MESD: variants seen among roughly 807,000 people sequenced by gnomAD.
MESD encodes the protein LRP chaperone MESD.
MESD carries 7 observed loss-of-function variants against 12.9 expected under a neutral mutation model. That is an observed-to-expected ratio of 0.54 (90% CI 0.31 to 1.02). The LOEUF is 1.02. MESD is among the 50% of genes least tolerant of loss of function. The probability of loss-of-function intolerance (pLI) is 0.05; values close to 1 mark genes in which losing one functional copy is unlikely to be tolerated. For missense variants in MESD, 342 were observed against 296.7 expected, an observed-to-expected ratio of 1.15 and a Z score of -1.12; for synonymous variants, 126 against 115.6, an observed-to-expected ratio of 1.09 and a Z score of -0.58.
At chr15:80,954,412 T>C (rs990007240) in intron 3 of MESD, among the ~76,000 whole-genome samples, 3 of 152,162 alleles carry the variant, frequency 2.0e-5, no homozygotes, top group African/African-American at 7.2e-5. Flanking sequence ...CCTGAGCCCT[T>C]TGACCCCATC....
chr15:80,976,113 C>T lies in MESD; in HGVS notation c.*3106G>A, dbSNP rs753124818. 82 of 152,564 alleles carry T rather than the reference C, an allele frequency of 5.4e-4. No individual in the cohort carries two copies. Among genetic ancestry groups the T allele is most frequent in the Admixed American group, 1.0e-3 (16 of 15,302 alleles). 9.5% of individuals were successfully genotyped at this position (152,564 alleles called of 1,614,324 possible). On this transcript the variant is annotated 3_prime_UTR_variant, in exon 3 of 3. Coordinates refer to ENST00000261758, the MANE Select transcript of MESD (RefSeq NM_015154.3). ...TCCCGGGTTCAAGCCATTCTCCTGC[C>T]TCAGCCACCTGAGTAGCTGGGATTA... is the stretch of plus-strand genomic sequence containing the variant.
exon 4 of MESD, chr15:80,952,217 C>T (rs533877128): frequency 5.0e-5 from 23 of 456,214 alleles, no homozygotes; most frequent in South Asian, 2.6e-4. Flanking sequence ...GTGGGAAAAA[C>T]AGGTCCAAAT....
intron 3 of MESD, among the ~76,000 whole-genome samples, chr15:80,955,329 C>CAA (rs796808569): frequency 1.3e-4 from 17 of 126,618 alleles, no homozygotes; most frequent in African/African-American, 4.6e-4. Flanking sequence ...ACTAAAAATA[C>CAA]AAAAAAAAAA....
intron 4 of MESD, chr15:80,949,177 G>A: frequency 1.9e-6 from 1 of 538,372 alleles, no homozygotes; most frequent in Non-Finnish European, 3.4e-6. Context: ...GCAGCCTCTT[G>A]GGTGCTTCTC....
intron 2 of MESD, 39 bp from the exon 3 acceptor site, chr15:80,979,516 T>C: frequency 1.2e-6 from 2 of 1,601,746 alleles, no homozygotes; most frequent in Non-Finnish European, 1.7e-6. Flanking sequence ...CAGCACGTAC[T>C]AGTAAGGTGC....
At chr15:80,955,638 TGAGA>T (rs887789913) in intron 3 of MESD, among the ~76,000 whole-genome samples, 1 of 150,264 alleles carries the variant, frequency 6.7e-6, no homozygotes, top group African/African-American at 2.5e-5. Flanking sequence ...TGTGTGTGTG[TGAGA>T]GAGACAGAGT....
intron 3 of MESD, among the ~76,000 whole-genome samples, chr15:80,960,729 T>A (rs1902070283): frequency 6.6e-6 from 1 of 152,176 alleles, no homozygotes; most frequent in Non-Finnish European, 1.5e-5. Flanking sequence ...GAAACGAGTT[T>A]AAAATACATA....
At position 80,978,727 on chromosome 15, in the gene MESD, C is replaced by T. The variant is rs971882796; in HGVS notation, c.*492G>A. 1 of 153,206 alleles carries T rather than the reference C, an allele frequency of 6.5e-6. No individual in the cohort carries two copies. Among genetic ancestry groups the T allele is most frequent in the African/African-American group, 2.4e-5 (1 of 41,476 alleles). 9.5% of individuals were successfully genotyped at this position (153,206 alleles called of 1,614,324 possible). ...ATTTTGGATTTACACACCCTGGCTT[C>T]CTGGCTACAGACATCTGAGTTCACA... On this transcript the variant is annotated 3_prime_UTR_variant, in exon 3 of 3. Coordinates refer to ENST00000261758, the MANE Select transcript of MESD (RefSeq NM_015154.3).
At position 80,989,626 on chromosome 15, in the gene MESD, G is replaced by A; in HGVS notation, c.166C>T (p.Arg56Cys). The A allele has an allele frequency of 6.2e-7, 1 of 1,614,016 alleles. No homozygotes were observed. The highest frequency in any genetic ancestry group is 8.5e-7 in the Non-Finnish European group (1 of 1,180,012). Reference protein sequence around the residue: ...PPPRKKKKDIRDYNDADMARL... With the variant: ...PPPRKKKKDICDYNDADMARL... The stretch of plus-strand genomic sequence containing the variant: ...GCCATGTCTGCATCATTGTAATCGC[G>A]AATATCCTTCTTCTTCTTCCGGGGA... The change falls in exon 1 of 3, where the codon CGC becomes TGC. Residue 56 changes from arginine to cysteine, a missense_variant. Arg to Cys is a radical substitution (Grantham distance 180, BLOSUM62 -3). Coordinates refer to ENST00000261758, the MANE Select transcript of MESD (RefSeq NM_015154.3).
chr15:80,985,847 G>A (rs1204059034), intron 1 of MESD, among the ~76,000 whole-genome samples: 2 of 151,660 alleles, frequency 1.3e-5, no homozygotes, highest in African/African-American at 4.8e-5. Context: ...GTAAAGACGG[G>A]TTTCACCATG....
chr15:80,954,754 C>T lies in MESD; in HGVS notation c.*289-2458G>A, dbSNP rs144580314. ...CTATAAAGCAAGCTCGTCTAACCCACCGCCAGTGGGCTACATGCAGCCCTG... is the reference window on the plus strand; with the variant it reads ...CTATAAAGCAAGCTCGTCTAACCCATCGCCAGTGGGCTACATGCAGCCCTG... On this transcript the variant is annotated intron_variant, in intron 3 of 4. Transcript: ENST00000561312. 2.7e-3 allele frequency among the ~76,000 whole-genome samples: 404 copies of T among 152,386 alleles called. 1 individual carries two copies. The highest frequency in any genetic ancestry group is 4.7e-3 in the Admixed American group (72 of 15,310).
At chr15:80,971,931 C>CA (rs1188553658), downstream of MESD, among the ~76,000 whole-genome samples, 1 of 143,788 alleles carries the variant, frequency 7.0e-6, no homozygotes, top group Non-Finnish European at 1.5e-5. Flanking sequence ...GCCTGGGCAA[C>CA]AGAGTGAGAT....
At chr15:80,980,855 T>C (rs767229040) in intron 2 of MESD, among the ~76,000 whole-genome samples, 22 of 151,280 alleles carry the variant, frequency 1.5e-4, no homozygotes, top group Admixed American at 7.9e-4. Context: ...GATGGAGTCT[T>C]GCTCTGCCGC....
intron 3 of MESD, among the ~76,000 whole-genome samples, chr15:80,960,625 G>A (rs974581378): frequency 2.0e-4 from 31 of 152,200 alleles, no homozygotes; most frequent in African/African-American, 7.2e-4. Context: ...TGGGGATGAG[G>A]AACGCTTTCT....
intron 2 of MESD, 77 bp downstream of exon 2, chr15:80,981,873 C>T: frequency 1.9e-6 from 2 of 1,055,236 alleles, no homozygotes; most frequent in Non-Finnish European, 2.8e-6. Flanking sequence ...TCATCATCAT[C>T]ATCATAATTA....
chr15:80,974,964 A>G (rs1902373338), downstream of MESD, among the ~76,000 whole-genome samples: 1 of 151,704 alleles, frequency 6.6e-6, no homozygotes, highest in Non-Finnish European at 1.5e-5. Context: ...CAGTTACAAA[A>G]TCCCCCAAAA....
At chr15:80,969,420 T>C (rs1902240417) in intron 3 of MESD, among the ~76,000 whole-genome samples, 1 of 152,098 alleles carries the variant, frequency 6.6e-6, no homozygotes, top group African/African-American at 2.4e-5. Context: ...CTTATTGGTG[T>C]TCAGCACTTA....
At chr15:80,989,433 G>A (rs1893233005) in intron 1 of MESD, 146 bp downstream of exon 1, 2 of 964,514 alleles carry the variant, frequency 2.1e-6, no homozygotes, top group Non-Finnish European at 3.0e-6. Context: ...AGGGTCAACA[G>A]TGGCTTCAGT....
At chr15:80,950,045 C>A (rs932695177) in intron 4 of MESD, 2 of 152,326 alleles carry the variant, frequency 1.3e-5, no homozygotes, top group Non-Finnish European at 2.9e-5. Context: ...GGCAGCCCTG[C>A]CTCTGACTCC....
Sources: gnomAD v4.1 joint callset for allele counts (sites outside exome capture counted in the v4.1 genomes callset) on GRCh38, gnomAD v4.1.1 for gene constraint, MANE v1.5 for transcripts, NCBI Gene and HGNC (gene_info 2026-07-23, HGNC 2026-07-21) for gene names.